PARD3B: variants seen among roughly 807,000 people sequenced by gnomAD.
PARD3B encodes the protein par-3 family cell polarity regulator beta.
Under a neutral mutation model 130.2 loss-of-function variants are expected in PARD3B, and 103 were observed. That is an observed-to-expected ratio of 0.79 (90% confidence interval 0.67 to 0.93). The LOEUF is 0.93. Among genes scored for constraint, PARD3B ranks in the 40% least tolerant of loss-of-function variants. The probability of loss-of-function intolerance (pLI) is 0.00; values close to 1 mark genes in which losing one functional copy is unlikely to be tolerated. For missense variants in PARD3B, 1,609 were observed against 1,499.2 expected, an observed-to-expected ratio of 1.07 and a Z score of -1.21; for synonymous variants, 583 against 553.2, an observed-to-expected ratio of 1.05 and a Z score of -0.76.
chr2:205,281,479 G>A lies in PARD3B; in HGVS notation c.2186-19051G>A, dbSNP rs866690909. ...GAGACCTTGTTCCAGTGAACAGTTAGCAAACTAGGGAGATGCAGTATTTCT... is the reference window on the plus strand; with the variant it reads ...GAGACCTTGTTCCAGTGAACAGTTAACAAACTAGGGAGATGCAGTATTTCT... On this transcript the variant is annotated intron_variant, in intron 16 of 22. Transcript: ENST00000406610. This position sits in a 1 kb window ranked among gnomAD's most constrained non-coding sequence, Gnocchi z 4.2. 1.3e-5 allele frequency among the ~76,000 whole-genome samples: 2 copies of A among 152,144 alleles called. No homozygotes were observed.
In PARD3B at chr2:205,352,613, A is replaced by G. The variant is rs2044035595; in HGVS notation, c.2631-48400A>G. Among the ~76,000 whole-genome samples, 1 of 152,198 alleles carries G rather than the reference A, an allele frequency of 6.6e-6. No individual in the cohort carries two copies. The highest frequency in any genetic ancestry group is 1.5e-5 in the Non-Finnish European group (1 of 68,040). On this transcript the variant is annotated intron_variant, in intron 18 of 22. Transcript: ENST00000406610. The surrounding 1 kb of genome is among the most constrained non-coding windows in gnomAD (Gnocchi z 5.2). ...AGAAGGCACGAAATAACCATTTTGGAGCAGATACACAGGCATCAAATGAAG... is the reference window on the plus strand; with the variant it reads ...AGAAGGCACGAAATAACCATTTTGGGGCAGATACACAGGCATCAAATGAAG...
At chr2:204,990,302 G>A (rs1006081689) in intron 3 of PARD3B, among the ~76,000 whole-genome samples, 2 of 151,308 alleles carry the variant, frequency 1.3e-5, no homozygotes, top group Non-Finnish European at 2.9e-5. Flanking sequence ...TATTTTTGGA[G>A]TACATGTGAT....
At position 204,649,479 on chromosome 2, in the gene PARD3B, C is replaced by T. The variant is rs947921670; in HGVS notation, c.121-36702C>T. On this transcript the variant is annotated intron_variant, in intron 1 of 22. Transcript: ENST00000406610. ...AAAGGAGTTTCCTTACATTTTTACTCTGTATGTGGGTGTGTTTGGAAAGAT... is the reference window on the plus strand; with the variant it reads ...AAAGGAGTTTCCTTACATTTTTACTTTGTATGTGGGTGTGTTTGGAAAGAT... 2.6e-5 allele frequency among the ~76,000 whole-genome samples: 4 copies of T among 151,948 alleles called. 1 individual carries two copies. Among genetic ancestry groups the T allele is most frequent in the Admixed American group, 2.0e-4 (3 of 15,230 alleles).
chr2:205,101,168 A>G (rs1290870586), intron 4 of PARD3B, among the ~76,000 whole-genome samples: 1 of 152,200 alleles, frequency 6.6e-6, no homozygotes, highest in African/African-American at 2.4e-5. Context: ...CATTTCTCCA[A>G]AGAAGATACA....
In PARD3B at chr2:205,383,117, T is replaced by TAGATAGATAGATAGATAGATAGATAGAG. The variant is rs1553500371; in HGVS notation, c.2631-17872_2631-17871insAGAGAGATAGATAGATAGATAGATAGAT. 9.4e-4 allele frequency among the ~76,000 whole-genome samples: 141 copies of TAGATAGATAGATAGATAGATAGATAGAG among 149,912 alleles called. 1 individual carries two copies. The highest frequency in any genetic ancestry group is 1.6e-3 in the Non-Finnish European group (110 of 67,352). On this transcript the variant is annotated intron_variant, in intron 18 of 22. Coordinates refer to ENST00000406610, the MANE Select transcript of PARD3B (RefSeq NM_001302769.2). ...ATAGATAGATAGATAGATAGATAGA[T>TAGATAGATAGATAGATAGATAGATAGAG]AGATAGATAGATAGATAGATAGATC...
intron 4 of PARD3B, among the ~76,000 whole-genome samples, chr2:205,057,081 G>C (rs543147375): frequency 2.6e-5 from 4 of 151,542 alleles, no homozygotes; most frequent in South Asian, 2.1e-4. Flanking sequence ...TAAAATACAG[G>C]CATTGTTTAT....
At chr2:204,715,076 ACT>A (rs1190174131) in intron 2 of PARD3B, among the ~76,000 whole-genome samples, 3 of 152,204 alleles carry the variant, frequency 2.0e-5, no homozygotes, top group Non-Finnish European at 4.4e-5. Flanking sequence ...AGTATACTTT[ACT>A]AATCTCTATG....
chr2:205,129,843 C>A (rs2031828704), intron 10 of PARD3B, among the ~76,000 whole-genome samples: 1 of 152,150 alleles, frequency 6.6e-6, no homozygotes, highest in Non-Finnish European at 1.5e-5. Flanking sequence ...GGATGTGACT[C>A]TGTCATTCTG....
chr2:204,692,383 G>C (rs1022400026), intron 2 of PARD3B, among the ~76,000 whole-genome samples: 8 of 151,940 alleles, frequency 5.3e-5, no homozygotes, highest in Admixed American at 4.6e-4. Flanking sequence ...CTGTTTGCTG[G>C]CTGAAAGATT....
chr2:205,208,958 G>A (rs1484660678), intron 15 of PARD3B, among the ~76,000 whole-genome samples: 1 of 129,912 alleles, frequency 7.7e-6, no homozygotes, highest in African/African-American at 3.2e-5. Context: ...CACACTACCT[G>A]ACTTCAAACT....
intron 10 of PARD3B, among the ~76,000 whole-genome samples, chr2:205,141,945 T>G (rs1341940973): frequency 6.6e-6 from 1 of 152,196 alleles, no homozygotes; most frequent in Non-Finnish European, 1.5e-5. Context: ...GAGCACTTGT[T>G]GACAATGTTC....
At chr2:205,213,587 T>C (rs1450205249) in intron 15 of PARD3B, among the ~76,000 whole-genome samples, 1 of 152,094 alleles carries the variant, frequency 6.6e-6, no homozygotes, top group East Asian at 1.9e-4. Flanking sequence ...CATCAAAAGA[T>C]TGAATAAATA....
intron 18 of PARD3B, among the ~76,000 whole-genome samples, chr2:205,333,525 T>G (rs1392112111): frequency 6.6e-6 from 1 of 152,180 alleles, no homozygotes; most frequent in Non-Finnish European, 1.5e-5. Flanking sequence ...ACCCTGGGCT[T>G]CTTCCTAGTG....
At chr2:205,149,325 G>A (rs914150519) in intron 10 of PARD3B, among the ~76,000 whole-genome samples, 6 of 151,964 alleles carry the variant, frequency 3.9e-5, no homozygotes, top group African/African-American at 7.3e-5. Flanking sequence ...TCATCTCCCC[G>A]CCTCGGCTTC....
intron 18 of PARD3B, among the ~76,000 whole-genome samples, chr2:205,364,275 C>T (rs559187839): frequency 6.6e-6 from 1 of 152,278 alleles, no homozygotes; most frequent in African/African-American, 2.4e-5. Flanking sequence ...TTCCTATATG[C>T]ACTTCCTAGA....
In PARD3B at chr2:205,142,881, A is replaced by AAATAAAT. The variant is rs1553623710; in HGVS notation, c.1435-15839_1435-15838insTAAATAA. Reference sequence around the variant, plus strand: ...TGACAGGATGAGACTTCGGTCTCAAAAAATAAATAAATAAATAAATAAATA... The same window carrying AAATAAAT: ...TGACAGGATGAGACTTCGGTCTCAAAAATAAATAAATAAATAAATAAATAAATAAATA... On this transcript the variant is annotated intron_variant, in intron 10 of 22. Transcript: ENST00000406610. The surrounding 1 kb of genome is among the most constrained non-coding windows in gnomAD (Gnocchi z 4.3). 6.8e-6 allele frequency among the ~76,000 whole-genome samples: 1 copy of AAATAAAT among 146,638 alleles called. No individual in the cohort carries two copies. The highest frequency in any genetic ancestry group is 1.5e-5 in the Non-Finnish European group (1 of 66,936).
chr2:205,194,049 G>A (rs572252237), intron 15 of PARD3B, among the ~76,000 whole-genome samples: 1 of 152,232 alleles, frequency 6.6e-6, no homozygotes, highest in East Asian at 1.9e-4. Context: ...CCCTCCCATG[G>A]GCTCTTAGAG....
intron 2 of PARD3B, among the ~76,000 whole-genome samples, chr2:204,858,055 T>C (rs2045026766): frequency 6.6e-6 from 1 of 152,188 alleles, no homozygotes; most frequent in South Asian, 2.1e-4. Flanking sequence ...TAAATTATGG[T>C]ATAAATGGAT....
At chr2:205,508,098 G>A (rs1247161859) in intron 21 of PARD3B, among the ~76,000 whole-genome samples, 2 of 152,212 alleles carry the variant, frequency 1.3e-5, no homozygotes, top group East Asian at 1.9e-4. Context: ...TAGTGAAAGA[G>A]GAGGGAACAA....
Sources: allele counts gnomAD v4.1 joint callset (sites outside exome capture counted in the v4.1 genomes callset), GRCh38; gene constraint gnomAD v4.1.1; non-coding constraint Gnocchi (gnomAD v3.1); transcripts MANE v1.5; gene names NCBI Gene and HGNC (gene_info 2026-07-23, HGNC 2026-07-21).